Variants in TTLL9 observed in about 807,000 individuals in gnomAD.
TTLL9 encodes the protein probable tubulin polyglutamylase TTLL9.
Under a neutral mutation model 65.6 loss-of-function variants are expected in TTLL9, and 47 were observed. The ratio of observed to expected loss-of-function variants is 0.72; its 90% confidence interval spans 0.57 to 0.91. The LOEUF is 0.91. Among genes scored for constraint, TTLL9 ranks in the 40% least tolerant of loss-of-function variants. The probability of loss-of-function intolerance (pLI) is 0.00; values close to 1 mark genes in which losing one functional copy is unlikely to be tolerated. For missense variants in TTLL9, 537 were observed against 568.8 expected, an observed-to-expected ratio of 0.94 and a Z score of 0.57; for synonymous variants, 179 against 204.8, an observed-to-expected ratio of 0.87 and a Z score of 1.07.
chr20:31,925,114 G>C lies in TTLL9; in HGVS notation c.705+65G>C, dbSNP rs897539030. 2.6e-6 allele frequency: 4 copies of C among 1,550,160 alleles called. No individual in the cohort carries two copies. The African/African-American group carries it at 4.1e-5, about 16-fold the overall frequency. On this transcript the variant is annotated intron_variant, in intron 9 of 14. Transcript: ENST00000535842. ...AAAGGGTGGCTGGGCTAGGGAGATG[G>C]GGGGAAGAGGCCTGGGGGTACCTTG...
chr20:31,871,708 T>G (rs2062935881), intron 2 of TTLL9, among the ~76,000 whole-genome samples: 1 of 152,084 alleles, frequency 6.6e-6, no homozygotes, highest in African/African-American at 2.4e-5. Flanking sequence ...AATACCAAAT[T>G]ATTCAGTAAA....
At chr20:31,872,872 C>A in intron 2 of TTLL9, 1 of 434,448 alleles carries the variant, frequency 2.3e-6, no homozygotes, top group South Asian at 1.7e-5. Context: ...CCGGAGCATG[C>A]AGGAGCACAT....
chr20:31,940,234 C>G (rs1160466924), intron 14 of TTLL9: 1 of 152,182 alleles, frequency 6.6e-6, no homozygotes, highest in Non-Finnish European at 1.5e-5. Context: ...TCTGTGCCAA[C>G]TGGTGAGGTA....
At chr20:31,912,708 C>T (rs1335359378) in intron 6 of TTLL9, among the ~76,000 whole-genome samples, 1 of 151,544 alleles carries the variant, frequency 6.6e-6, no homozygotes, top group African/African-American at 2.4e-5. Context: ...CTGAAATCTG[C>T]AGGGCAGGCC....
At position 31,912,603 on chromosome 20, in the gene TTLL9, A is replaced by ATGTGTGTGTGTGTG. The variant is rs61107814; in HGVS notation, c.504+2709_504+2722dup. ...AGTGTGTGTGTGTGCGTGTATGTGT[A>ATGTGTGTGTGTGTG]TGTGTGTGTGTGTGTGTGTGTGTGT... is the stretch of plus-strand genomic sequence containing the variant. On this transcript the variant is annotated intron_variant, in intron 6 of 14. Coordinates refer to ENST00000535842, the MANE Select transcript of TTLL9 (RefSeq NM_001008409.5). Among the ~76,000 whole-genome samples the ATGTGTGTGTGTGTG allele has an allele frequency of 2.1e-5, 3 of 141,102 alleles. 1 individual carries two copies. The South Asian group carries it at 7.4e-4, about 35-fold the overall frequency. 92.6% of individuals were successfully genotyped at this position (141,102 alleles called of 152,430 possible).
intron 6 of TTLL9, 75 bp from the exon 7 acceptor site, chr20:31,919,789 G>C (rs1162819343): frequency 1.7e-6 from 2 of 1,206,454 alleles, no homozygotes; most frequent in Middle Eastern, 2.0e-4. Context: ...ATGCTGGGGA[G>C]AGCCCCCAGC....
At chr20:31,933,408 C>A (rs2064053297) in intron 10 of TTLL9, among the ~76,000 whole-genome samples, 1 of 151,082 alleles carries the variant, frequency 6.6e-6, no homozygotes, top group Non-Finnish European at 1.5e-5. Flanking sequence ...TAGAACCACT[C>A]CTCTTGAATT....
intron 10 of TTLL9, among the ~76,000 whole-genome samples, chr20:31,929,007 C>G (rs1311547166): frequency 6.6e-6 from 1 of 152,200 alleles, no homozygotes; most frequent in Non-Finnish European, 1.5e-5. Flanking sequence ...TCCTGTGCAG[C>G]TGAGACCACA....
chr20:31,925,074 C>A, intron 9 of TTLL9, 25 bp downstream of exon 9: 1 of 1,613,700 alleles, frequency 6.2e-7, no homozygotes, highest in Non-Finnish European at 8.5e-7. Context: ...TGGGGGCCCT[C>A]CTCCAGCAGG....
At chr20:31,938,126 C>G (rs1171730270) in intron 13 of TTLL9, 2 of 431,672 alleles carry the variant, frequency 4.6e-6, no homozygotes, top group Non-Finnish European at 9.2e-6. Flanking sequence ...CCCTCTCCCT[C>G]TCCCTCCCTC....
rs368090257 is a variant in TTLL9 at position 31,924,957 on chromosome 20, T to C, written c.665-52T>C. On this transcript the variant is annotated intron_variant, in intron 8 of 14. Coordinates refer to ENST00000535842, the MANE Select transcript of TTLL9 (RefSeq NM_001008409.5). ...GCTATTTTCCCAAAACCTAGCACAA[T>C]GTCTGACGATCAATATTTGTTGCAC... The C allele has an allele frequency of 1.7e-4, 276 of 1,604,568 alleles. 2 individuals are homozygous for C. Among genetic ancestry groups the C allele is most frequent in the Non-Finnish European group, 2.1e-4 (248 of 1,173,602 alleles).
intron 3 of TTLL9, among the ~76,000 whole-genome samples, chr20:31,887,648 G>A (rs573326073): frequency 1.5e-4 from 23 of 152,224 alleles, no homozygotes; most frequent in African/African-American, 5.3e-4. Context: ...CATGTCAGCT[G>A]TGCTCTGATC....
intron 4 of TTLL9, among the ~76,000 whole-genome samples, chr20:31,904,298 A>G (rs753151820): frequency 1.3e-5 from 2 of 149,522 alleles, no homozygotes; most frequent in African/African-American, 5.0e-5. Context: ...CTATGCAAAT[A>G]TCTTGTTCCC....
intron 6 of TTLL9, among the ~76,000 whole-genome samples, chr20:31,910,664 A>ATAGG (rs2063633039): frequency 6.6e-6 from 1 of 152,198 alleles, no homozygotes; most frequent in Non-Finnish European, 1.5e-5. Flanking sequence ...CCTATCACCT[A>ATAGG]GTGTTAGGGG....
At chr20:31,894,882 A>G (rs1244372984) in intron 3 of TTLL9, among the ~76,000 whole-genome samples, 3 of 152,156 alleles carry the variant, frequency 2.0e-5, no homozygotes, top group Admixed American at 6.5e-5. Flanking sequence ...GTGTACTCCA[A>G]TCCAACCTCC....
chr20:31,890,154 C>CTTCCT (rs2063281386), intron 3 of TTLL9, among the ~76,000 whole-genome samples: 3 of 13,576 alleles, frequency 2.2e-4, no homozygotes, highest in African/African-American at 2.1e-3. Flanking sequence ...TCCTTCCTTC[C>CTTCCT]TTCTTTCTTT....
At chr20:31,879,990 C>T (rs1001724710) in intron 2 of TTLL9, 1 of 367,952 alleles carries the variant, frequency 2.7e-6, no homozygotes, top group Non-Finnish European at 4.8e-6. Context: ...GATGGGTGTT[C>T]CTCGCGGAAT....
At chr20:31,920,240 C>CACAT (rs754083599) in intron 7 of TTLL9, among the ~76,000 whole-genome samples, 9 of 151,706 alleles carry the variant, frequency 5.9e-5, no homozygotes, top group Non-Finnish European at 1.0e-4. Context: ...CACACACACA[C>CACAT]ACACACACAC....
chr20:31,890,016 T>TTC (rs1368163815), intron 3 of TTLL9, among the ~76,000 whole-genome samples: 5 of 143,226 alleles, frequency 3.5e-5, no homozygotes, highest in African/African-American at 1.4e-4. Context: ...CTTTCTTTCT[T>TTC]TCTTTCTTTC....
Sources: gnomAD v4.1 joint callset for allele counts (sites outside exome capture counted in the v4.1 genomes callset) on GRCh38, gnomAD v4.1.1 for gene constraint, MANE v1.5 for transcripts, NCBI Gene and HGNC (gene_info 2026-07-23, HGNC 2026-07-21) for gene names.